Variants in EIF3E observed in about 807,000 individuals in gnomAD.
The protein encoded by EIF3E is eukaryotic translation initiation factor 3 subunit E.
A neutral mutation model predicts 59.3 loss-of-function variants in EIF3E; 25 were observed. The ratio of observed to expected loss-of-function variants is 0.42; its 90% CI spans 0.31 to 0.59. EIF3E has a LOEUF of 0.59. Among genes scored for constraint, EIF3E ranks in the 20% least tolerant of loss-of-function variants. The probability of loss-of-function intolerance (pLI) is 0.15; values close to 1 mark genes in which losing one functional copy is unlikely to be tolerated. For synonymous variants in EIF3E, 176 were observed against 170.2 expected (o/e 1.03, Z -0.26); for missense variants, 317 against 534.3 (o/e 0.59, Z 4.01).
At chr8:108,213,841 A>G (rs1044587988) in intron 10 of EIF3E, among the ~76,000 whole-genome samples, 2 of 152,192 alleles carry the variant, frequency 1.3e-5, no homozygotes, top group Non-Finnish European at 2.9e-5. Context: ...CTGGACAACC[A>G]CTTCAACGGA....
At chr8:108,228,981 T>C in intron 6 of EIF3E, 89 bp downstream of exon 6, 3 of 1,338,164 alleles carry the variant, frequency 2.2e-6, no homozygotes, top group Non-Finnish European at 2.9e-6. Flanking sequence ...TTTTTTTTAA[T>C]TCCCAAAATG....
At chr8:108,239,336 G>A (rs570638210) in intron 3 of EIF3E, among the ~76,000 whole-genome samples, 3 of 152,120 alleles carry the variant, frequency 2.0e-5, no homozygotes, top group East Asian at 1.9e-4. Flanking sequence ...GACTACAAGC[G>A]CACACCACCA....
chr8:108,203,565 C>T (rs1358336458), intron 10 of EIF3E, 62 bp from the exon 11 acceptor site: 3 of 1,336,010 alleles, frequency 2.2e-6, no homozygotes, highest in African/African-American at 2.9e-5. Flanking sequence ...GTTTTATGTA[C>T]ACAGTGTTGA....
chr8:108,229,036 T>C (rs377345791), intron 6 of EIF3E, 34 bp downstream of exon 6: 7 of 1,572,926 alleles, frequency 4.5e-6, no homozygotes, highest in Admixed American at 1.8e-5. Context: ...TACACAGATA[T>C]TTCAGAGAAT....
At chr8:108,235,898 C>G (rs1815722174) in intron 4 of EIF3E, among the ~76,000 whole-genome samples, 1 of 152,204 alleles carries the variant, frequency 6.6e-6, no homozygotes, top group Admixed American at 6.5e-5. Context: ...AAAATGCCAA[C>G]AATTACTGCC....
At chr8:108,238,274 T>C (rs1052863760) in intron 3 of EIF3E, among the ~76,000 whole-genome samples, 1 of 152,234 alleles carries the variant, frequency 6.6e-6, no homozygotes, top group African/African-American at 2.4e-5. Flanking sequence ...CTGTGTGTTT[T>C]CCCGCATATA....
intron 4 of EIF3E, among the ~76,000 whole-genome samples, chr8:108,235,816 T>C (rs1460932889): frequency 6.6e-6 from 1 of 152,228 alleles, no homozygotes; most frequent in Admixed American, 6.5e-5. Context: ...TTTGCCTTAC[T>C]CGTTAATCCA....
Position 108,216,486 on chromosome 8 carries a change from T to C in EIF3E, c.877A>G (p.Thr293Ala). Residue 293 changes from threonine (T) to alanine (A), a missense_variant, in exon 9 of 13, where the codon ACA becomes GCA. By Grantham distance (58) the Thr-to-Ala change is moderately conservative. Transcript: ENST00000220849. The part of the protein sequence containing the change: ...QESYTYKDPI[T>A]EFVECLYVNF... Reference sequence around the variant, plus strand: ...ACATATAAACATTCAACAAATTCTGTAATTGGGTCTTTATATGTGTAAGAC... The same window carrying C: ...ACATATAAACATTCAACAAATTCTGCAATTGGGTCTTTATATGTGTAAGAC... 6.2e-7 allele frequency: 1 copy of C among 1,609,004 alleles called. No individual in the cohort carries two copies. The highest frequency in any genetic ancestry group is 8.5e-7 in the Non-Finnish European group (1 of 1,178,176).
chr8:108,231,855 T>A (rs1035823314), intron 5 of EIF3E: 1 of 152,014 alleles, frequency 6.6e-6, no homozygotes, highest in Non-Finnish European at 1.5e-5. Context: ...TTTCTTTTTT[T>A]TTTTAAGGGC....
intron 7 of EIF3E, among the ~76,000 whole-genome samples, chr8:108,223,119 G>A (rs1460180767): frequency 6.6e-6 from 1 of 152,162 alleles, no homozygotes; most frequent in Non-Finnish European, 1.5e-5. Flanking sequence ...AAGTTGGGGA[G>A]ATGAAGCTAT....
intron 1 of EIF3E, among the ~76,000 whole-genome samples, chr8:108,244,109 A>G (rs1407880938): frequency 6.6e-6 from 1 of 152,232 alleles, no homozygotes; most frequent in Non-Finnish European, 1.5e-5. Context: ...ACGAGAATCA[A>G]ATTTCCACAA....
At chr8:108,223,643 T>C (rs4386951) in intron 7 of EIF3E, among the ~76,000 whole-genome samples, 2,639 of 152,316 alleles carry the variant, frequency 0.017, 69 homozygotes, top group African/African-American at 0.057. Flanking sequence ...TACAAATGGA[T>C]TCTTTTTCCT....
At chr8:108,243,895 C>T (rs1338465097) in intron 1 of EIF3E, among the ~76,000 whole-genome samples, 1 of 152,108 alleles carries the variant, frequency 6.6e-6, no homozygotes, top group Non-Finnish European at 1.5e-5. Context: ...GCTACCTCTC[C>T]CCACTCCACT....
chr8:108,211,683 G>A (rs1815213229), intron 10 of EIF3E, among the ~76,000 whole-genome samples: 1 of 152,104 alleles, frequency 6.6e-6, no homozygotes, highest in Admixed American at 6.5e-5. Flanking sequence ...TACTTTAGCA[G>A]GCTGTAATTA....
chr8:108,202,842 G>T, intron 12 of EIF3E, 141 bp downstream of exon 12: 1 of 981,134 alleles, frequency 1.0e-6, no homozygotes. Flanking sequence ...AAAATTTTCT[G>T]TTTAGTAATT....
At chr8:108,207,297 C>T (rs1339917172) in intron 10 of EIF3E, among the ~76,000 whole-genome samples, 1 of 152,042 alleles carries the variant, frequency 6.6e-6, no homozygotes, top group Non-Finnish European at 1.5e-5. Flanking sequence ...ACAGCAAGAC[C>T]CTGTCTCTAC....
At chr8:108,248,560 G>C in intron 1 of EIF3E, 53 bp downstream of exon 1, 3 of 1,587,374 alleles carry the variant, frequency 1.9e-6, no homozygotes, top group South Asian at 1.1e-5. Context: ...TTTCGGCCTT[G>C]CTCAGCACCT....
At position 108,214,154 on chromosome 8, in the gene EIF3E, T is replaced by C. The variant is rs559461845; in HGVS notation, c.1061+453A>G. Among the ~76,000 whole-genome samples, 8 of 152,264 alleles carry C rather than the reference T, an allele frequency of 5.3e-5. No homozygotes were observed. The South Asian group carries it at 8.3e-4, about 16-fold the overall frequency. On this transcript the variant is annotated intron_variant, in intron 10 of 12. Transcript: ENST00000220849. ...CATCTTTCAACATTTTAAGATGCCATAGGAGTTTACTATAGGAGAAGTCAA... is the reference window on the plus strand; with the variant it reads ...CATCTTTCAACATTTTAAGATGCCACAGGAGTTTACTATAGGAGAAGTCAA...
At chr8:108,211,380 C>G (rs949696185) in intron 10 of EIF3E, among the ~76,000 whole-genome samples, 1 of 152,194 alleles carries the variant, frequency 6.6e-6, no homozygotes, top group African/African-American at 2.4e-5. Flanking sequence ...TGTCTGTTGG[C>G]TGCATAAATG....
Sources: allele counts gnomAD v4.1 joint callset (sites outside exome capture counted in the v4.1 genomes callset), GRCh38; gene constraint gnomAD v4.1.1; transcripts MANE v1.5; gene names NCBI Gene and HGNC (gene_info 2026-07-23, HGNC 2026-07-21).